TMCO5A: variants seen among roughly 807,000 people sequenced by gnomAD.
TMCO5A encodes the protein transmembrane and coiled-coil domain-containing protein 5A.
TMCO5A carries 34 observed loss-of-function variants against 42.3 expected under a neutral mutation model. That is an observed-to-expected ratio of 0.80 (90% CI 0.61 to 1.07). The LOEUF (loss-of-function observed/expected upper bound fraction) is 1.07, where lower values mean the gene tolerates loss of function less well. TMCO5A is among the 50% of genes least tolerant of loss of function. The probability of loss-of-function intolerance (pLI) is 0.00; values close to 1 mark genes in which losing one functional copy is unlikely to be tolerated. For missense variants in TMCO5A, 357 were observed against 327.9 expected (o/e 1.09, Z -0.69); for synonymous variants, 131 against 115.6 (o/e 1.13, Z -0.86).
downstream of TMCO5A, among the ~76,000 whole-genome samples, chr15:37,968,582 C>CTTT (rs61091144): frequency 0.018 from 2,355 of 131,100 alleles, 74 homozygotes; most frequent in African/African-American, 0.062. Context: ...TTCTACATTT[C>CTTT]TTTTTTTTTT....
intron 10 of TMCO5A, 34 bp downstream of exon 10, chr15:37,943,432 G>A: frequency 1.2e-6 from 2 of 1,605,728 alleles, no homozygotes; most frequent in Non-Finnish European, 1.7e-6. Flanking sequence ...GCTCCTCACA[G>A]TGTCATTGCC....
the TMCO5A span, among the ~76,000 whole-genome samples, chr15:37,982,483 T>C: frequency 7.9e-6 from 1 of 127,082 alleles, no homozygotes; most frequent in Non-Finnish European, 1.6e-5. Context: ...ATTTTATGTA[T>C]TATATATTAT....
At chr15:38,001,074 A>C in the TMCO5A span, among the ~76,000 whole-genome samples, 1 of 152,062 alleles carries the variant, frequency 6.6e-6, no homozygotes, top group African/African-American at 2.4e-5. Flanking sequence ...TCTAGGAGAT[A>C]TGTCCAATGC....
At chr15:38,005,264 GAAA>G in the TMCO5A span, among the ~76,000 whole-genome samples, 7,621 of 89,278 alleles carry the variant, frequency 0.085, 738 homozygotes, top group African/African-American at 0.23. Context: ...GTACTTGACA[GAAA>G]AAAAAAAAAA....
the TMCO5A span, among the ~76,000 whole-genome samples, chr15:38,035,358 T>C: frequency 6.6e-6 from 1 of 152,208 alleles, no homozygotes; most frequent in Non-Finnish European, 1.5e-5. Context: ...GGCTTATATA[T>C]GCCTAAACTA....
chr15:37,947,543 G>T (rs940935315), intron 10 of TMCO5A, 113 bp from the exon 11 acceptor site: 6 of 721,098 alleles, frequency 8.3e-6, no homozygotes, highest in East Asian at 2.8e-5. Context: ...CATATAAAAA[G>T]AATTTGTTAA....
chr15:38,009,906 G>T, the TMCO5A span, among the ~76,000 whole-genome samples: 1 of 152,260 alleles, frequency 6.6e-6, no homozygotes, highest in African/African-American at 2.4e-5. Context: ...TTTATGGTAG[G>T]CTGAGAATGC....
At chr15:38,038,156 T>G in the TMCO5A span, among the ~76,000 whole-genome samples, 1 of 152,222 alleles carries the variant, frequency 6.6e-6, no homozygotes, top group Non-Finnish European at 1.5e-5. Flanking sequence ...AGAAAAAAAG[T>G]GATGAGACCC....
chr15:37,943,167 T>C (rs768529157), intron 9 of TMCO5A, 174 bp from the exon 10 acceptor site: 4 of 541,834 alleles, frequency 7.4e-6, no homozygotes, highest in Non-Finnish European at 1.2e-5. Context: ...AAAGATGTAC[T>C]CAACTGAGGA....
intron 10 of TMCO5A, among the ~76,000 whole-genome samples, chr15:37,947,361 G>C (rs990739273): frequency 6.6e-6 from 1 of 152,052 alleles, no homozygotes; most frequent in African/African-American, 2.4e-5. Flanking sequence ...TGGAGTCAGA[G>C]TATCCAGGTT....
chr15:38,000,467 C>G, the TMCO5A span, among the ~76,000 whole-genome samples: 1 of 151,576 alleles, frequency 6.6e-6, no homozygotes, highest in Non-Finnish European at 1.5e-5. Context: ...AAAAAACAAA[C>G]TTTTCATTTC....
chr15:37,983,819 G>A, the TMCO5A span, among the ~76,000 whole-genome samples: 1 of 151,026 alleles, frequency 6.6e-6, no homozygotes, highest in South Asian at 2.1e-4. Context: ...CCGCTTCCCA[G>A]ATTCAAGTGA....
In TMCO5A at chr15:37,941,133, C is replaced by T. The variant is rs199725076; in HGVS notation, c.388-16C>T. ...TTTTACCTTGCCAAGTTAGCAGTCT[C>T]TTTTGCTTTCTTTAGGTTAAGTTAC... On this transcript the variant is annotated splice_polypyrimidine_tract_variant and intron_variant, in intron 6 of 11. Coordinates refer to ENST00000319669, the MANE Select transcript of TMCO5A (RefSeq NM_152453.4). 7.0e-5 allele frequency: 113 copies of T among 1,612,804 alleles called. No homozygotes were observed. Among genetic ancestry groups the T allele is most frequent in the Non-Finnish European group, 8.6e-5 (102 of 1,179,388 alleles).
At chr15:38,019,220 GT>G in the TMCO5A span, among the ~76,000 whole-genome samples, 1 of 152,128 alleles carries the variant, frequency 6.6e-6, no homozygotes, top group Non-Finnish European at 1.5e-5. Context: ...AGATAATGTT[GT>G]GAAACTTAAT....
At chr15:37,968,475 A>G (rs990242324), downstream of TMCO5A, among the ~76,000 whole-genome samples, 1 of 152,122 alleles carries the variant, frequency 6.6e-6, no homozygotes. Context: ...GAAACAGTTC[A>G]CTAAAAGCCA....
chr15:38,014,509 A>G, the TMCO5A span, among the ~76,000 whole-genome samples: 1 of 152,158 alleles, frequency 6.6e-6, no homozygotes, highest in Admixed American at 6.6e-5. Context: ...AACTAATGAC[A>G]TAAGCTTCCT....
At chr15:38,029,273 A>G in the TMCO5A span, among the ~76,000 whole-genome samples, 4 of 152,116 alleles carry the variant, frequency 2.6e-5, no homozygotes, top group African/African-American at 9.6e-5. Context: ...TTAAGTATAC[A>G]GTCTACACAC....
At chr15:38,018,960 C>T in the TMCO5A span, among the ~76,000 whole-genome samples, 5 of 151,964 alleles carry the variant, frequency 3.3e-5, no homozygotes, top group Admixed American at 6.6e-5. Context: ...GTAGTTTAAA[C>T]CTTAAATTCA....
At position 37,951,162 on chromosome 15, in the gene TMCO5A, C is replaced by T. The variant is rs1010463573; in HGVS notation, c.795C>T (p.Ser265=). The T allele has an allele frequency of 1.2e-6, 2 of 1,613,676 alleles. No individual in the cohort carries two copies. The highest frequency in any genetic ancestry group is 1.7e-6 in the Non-Finnish European group (2 of 1,179,856). ...VNVLPKVLGR[S]TLWKLRCFFF... is the part of the protein sequence containing the mutation. ...TACTGCCCAAGGTACTGGGCAGGAGCACCTTGTGGAAGCTCAGATGCTTCT... is the reference window on the plus strand; with the variant it reads ...TACTGCCCAAGGTACTGGGCAGGAGTACCTTGTGGAAGCTCAGATGCTTCT... Residue 265 remains serine (S), a synonymous_variant, in exon 12 of 12, where the codon AGC becomes AGT. Coordinates refer to ENST00000319669, the MANE Select transcript of TMCO5A (RefSeq NM_152453.4).
Sources: gnomAD v4.1 joint callset for allele counts (sites outside exome capture counted in the v4.1 genomes callset) on GRCh38, gnomAD v4.1.1 for gene constraint, MANE v1.5 for transcripts, NCBI Gene and HGNC (gene_info 2026-07-23, HGNC 2026-07-21) for gene names.